The following WBP2NL variants were observed in gnomAD, a reference collection of about 807,000 sequenced individuals.
WBP2NL encodes the protein postacrosomal sheath WW domain-binding protein.
WBP2NL carries 27 observed loss-of-function variants against 23.3 expected under a neutral mutation model. That is an observed-to-expected ratio of 1.16 (90% confidence interval 0.85 to 1.60). WBP2NL has a LOEUF of 1.60. WBP2NL is among the 40% of genes most tolerant of loss of function. The pLI is 0.00. For missense variants in WBP2NL, 370 were observed against 389.5 expected (o/e 0.95, Z 0.42); for synonymous variants, 151 against 145.9 (o/e 1.03, Z -0.25).
In WBP2NL at chr22:42,027,001, C is replaced by T. The variant is rs143530198; in HGVS notation, c.750C>T (p.Leu250=). ...APPLGYGTPP[L]GYGAPPLGYG... is the part of the protein sequence containing the mutation. Reference sequence around the variant, plus strand: ...CTCTTGGATATGGAACCCCACCTCTCGGATATGGAGCCCCACCTCTCGGAT... The same window carrying T: ...CTCTTGGATATGGAACCCCACCTCTTGGATATGGAGCCCCACCTCTCGGAT... The change falls in exon 6 of 6, where the codon CTC becomes CTT. Residue 250 remains leucine, a synonymous_variant. Transcript: ENST00000328823. 5.6e-6 allele frequency: 9 copies of T among 1,606,530 alleles called. No homozygotes were observed. The highest frequency in any genetic ancestry group is 1.1e-5 in the South Asian group (1 of 90,832).
chr22:41,999,862 C>T (rs867132924), intron 1 of WBP2NL, among the ~76,000 whole-genome samples: 3 of 152,312 alleles, frequency 2.0e-5, no homozygotes, highest in East Asian at 1.9e-4. Flanking sequence ...TTGCTCCTTG[C>T]GGTGCCTGCT....
chr22:42,050,162 C>A (rs1602483003), intron 8 of WBP2NL, among the ~76,000 whole-genome samples: 1 of 151,864 alleles, frequency 6.6e-6, no homozygotes, highest in Admixed American at 6.6e-5. Flanking sequence ...CAAAAAACTA[C>A]AAAAATTAGC....
chr22:42,047,848 C>T (rs554573797), intron 8 of WBP2NL, among the ~76,000 whole-genome samples: 1 of 151,528 alleles, frequency 6.6e-6, no homozygotes, highest in African/African-American at 2.4e-5. Context: ...GTCTTGATCT[C>T]CTGACCTTGT....
intron 2 of WBP2NL, 88 bp downstream of exon 2, chr22:42,019,507 T>A (rs1923679613): frequency 3.9e-6 from 6 of 1,552,020 alleles, no homozygotes; most frequent in Non-Finnish European, 5.3e-6. Context: ...ACTTTTGAAG[T>A]GTTTTTAAAC....
At chr22:42,014,958 T>A (rs1196515299) in intron 1 of WBP2NL, among the ~76,000 whole-genome samples, 1 of 152,256 alleles carries the variant, frequency 6.6e-6, no homozygotes, top group Non-Finnish European at 1.5e-5. Context: ...AAATCCAATG[T>A]ATGGGCTTCC....
chr22:41,999,158 G>A (rs947877039), intron 1 of WBP2NL, among the ~76,000 whole-genome samples: 2 of 152,046 alleles, frequency 1.3e-5, no homozygotes, highest in African/African-American at 4.8e-5. Context: ...TCCTCAGGGC[G>A]GGGCGGGGAG....
At chr22:41,999,325 G>A (rs554181477) in intron 1 of WBP2NL, among the ~76,000 whole-genome samples, 3 of 152,210 alleles carry the variant, frequency 2.0e-5, no homozygotes, top group Non-Finnish European at 2.9e-5. Context: ...CTACTTCCAC[G>A]AACAAGGTGT....
chr22:41,998,981 T>G, intron 1 of WBP2NL, 101 bp downstream of exon 1: 1 of 1,374,708 alleles, frequency 7.3e-7, no homozygotes, highest in Non-Finnish European at 9.8e-7. Flanking sequence ...TTTGCCGCCT[T>G]TTTTGGGCGC....
chr22:42,036,716 C>T (rs903583645), downstream of WBP2NL, among the ~76,000 whole-genome samples: 2 of 152,162 alleles, frequency 1.3e-5, no homozygotes, highest in Non-Finnish European at 2.9e-5. Context: ...TATTGGCCAT[C>T]TGAATTTCCT....
downstream of WBP2NL, chr22:42,031,181 C>T (rs1174623552): frequency 1.3e-5 from 2 of 152,220 alleles, no homozygotes; most frequent in Non-Finnish European, 2.9e-5. Context: ...GCGTGGCACA[C>T]CTACTGTTAG....
chr22:42,035,478 G>A (rs547247083), downstream of WBP2NL, among the ~76,000 whole-genome samples: 78 of 152,376 alleles, frequency 5.1e-4, no homozygotes, highest in African/African-American at 1.6e-3. Context: ...GGCGGGTCTC[G>A]CGCTTGTCCC....
chr22:42,008,108 T>TTTCCTTTCCTTTCCTTTCCTTTCCTTTCC (rs1922436180), intron 1 of WBP2NL, among the ~76,000 whole-genome samples: 1 of 122,788 alleles, frequency 8.1e-6, no homozygotes, highest in African/African-American at 2.8e-5. Flanking sequence ...TTTCCTTTCC[T>TTTCCTTTCCTTTCCTTTCCTTTCCTTTCC]TTCCTTTCCT....
Position 42,020,037 on chromosome 22 carries a change from T to A in WBP2NL, c.347T>A (p.Val116Asp). 1 of 1,614,148 alleles carries A rather than the reference T, an allele frequency of 6.2e-7. No homozygotes were observed. ...GAAGGACAAGCTACTTTTAAATTAG[T>A]CTTCAGAAATGGAGATGCCATTGAA... ...GWEGQATFKL[V>D]FRNGDAIEFA... is the part of the protein sequence containing the mutation. Residue 116 changes from valine to aspartate, a missense_variant, in exon 4 of 6, where the codon GTC (valine) becomes GAC (aspartate). Transcript: ENST00000328823.
chr22:42,005,295 C>G (rs941055457), intron 1 of WBP2NL, among the ~76,000 whole-genome samples: 1 of 152,018 alleles, frequency 6.6e-6, no homozygotes, highest in African/African-American at 2.4e-5. Context: ...AGGTGGATCA[C>G]CTGAGGTCAG....
chr22:42,024,209 A>T (rs1024446650), intron 5 of WBP2NL, among the ~76,000 whole-genome samples: 2 of 152,230 alleles, frequency 1.3e-5, no homozygotes, highest in Admixed American at 6.5e-5. Flanking sequence ...CATTGTACAT[A>T]TATACCACAA....
chr22:42,029,137 C>G (rs554387310), downstream of WBP2NL, among the ~76,000 whole-genome samples: 1 of 152,156 alleles, frequency 6.6e-6, no homozygotes, highest in South Asian at 2.1e-4. Flanking sequence ...GCTCATCAAG[C>G]CACCTAAAAG....
downstream of WBP2NL, among the ~76,000 whole-genome samples, chr22:42,036,336 G>A (rs1925180995): frequency 1.3e-5 from 2 of 152,078 alleles, no homozygotes; most frequent in African/African-American, 2.4e-5. Flanking sequence ...CACCATGCCC[G>A]GCTAATTTTT....
intron 1 of WBP2NL, among the ~76,000 whole-genome samples, chr22:42,017,088 C>G (rs1415737424): frequency 6.6e-6 from 1 of 152,112 alleles, no homozygotes; most frequent in Non-Finnish European, 1.5e-5. Context: ...TCTGGATTGT[C>G]CTCTACCTTC....
intron 8 of WBP2NL, among the ~76,000 whole-genome samples, chr22:42,049,976 C>CAAAA (rs34787117): frequency 5.9e-5 from 5 of 84,406 alleles, no homozygotes; most frequent in Non-Finnish European, 1.2e-4. Flanking sequence ...GACTCCGTCT[C>CAAAA]AAAAAAAAAA....
Sources: gnomAD v4.1 joint callset for allele counts (sites outside exome capture counted in the v4.1 genomes callset) on GRCh38, gnomAD v4.1.1 for gene constraint, MANE v1.5 for transcripts, NCBI Gene and HGNC (gene_info 2026-07-23, HGNC 2026-07-21) for gene names.